The following COL26A1 variants were observed in gnomAD, a reference collection of about 807,000 sequenced individuals.
The protein encoded by COL26A1 is collagen alpha-1(XXVI) chain.
COL26A1 carries 41 observed loss-of-function variants against 59.3 expected under a neutral mutation model. That is an observed-to-expected ratio of 0.69 (90% confidence interval 0.54 to 0.90). COL26A1 has a LOEUF of 0.90. COL26A1 is among the 40% of genes least tolerant of loss of function. The probability of loss-of-function intolerance (pLI) is 0.00; values close to 1 mark genes in which losing one functional copy is unlikely to be tolerated. For synonymous variants in COL26A1, 266 were observed against 256.0 expected, an observed-to-expected ratio of 1.04 and a Z score of -0.37; for missense variants, 612 against 602.3, an observed-to-expected ratio of 1.02 and a Z score of -0.17.
intron 1 of COL26A1, among the ~76,000 whole-genome samples, chr7:101,402,469 A>G (rs1389363988): frequency 6.6e-6 from 1 of 151,908 alleles, no homozygotes; most frequent in Non-Finnish European, 1.5e-5. Flanking sequence ...TCTCACCTGT[A>G]AAAAGGGGGT....
chr7:101,537,934 G>A (rs377360916), intron 4 of COL26A1, among the ~76,000 whole-genome samples: 59 of 144,780 alleles, frequency 4.1e-4, no homozygotes, highest in African/African-American at 1.3e-3. Context: ...ACCCACCCCC[G>A]CCAACTTATC....
chr7:101,376,137 CAAAAA>C (rs34061057), intron 1 of COL26A1, among the ~76,000 whole-genome samples: 3 of 132,378 alleles, frequency 2.3e-5, no homozygotes, highest in Admixed American at 7.5e-5. Flanking sequence ...CCTGTATCTA[CAAAAA>C]AAAAAAAAAA....
chr7:101,437,995 G>A (rs1173046342), intron 2 of COL26A1, among the ~76,000 whole-genome samples: 1 of 151,792 alleles, frequency 6.6e-6, no homozygotes, highest in Non-Finnish European at 1.5e-5. Context: ...TTACAGGCAT[G>A]AGCCACTGTG....
intron 1 of COL26A1, among the ~76,000 whole-genome samples, chr7:101,417,476 G>A (rs1792398186): frequency 6.7e-6 from 1 of 149,518 alleles, no homozygotes; most frequent in Admixed American, 6.7e-5. Context: ...CCTTAGGACA[G>A]GTGAATCCAA....
At chr7:101,397,153 G>T (rs540818346) in intron 1 of COL26A1, among the ~76,000 whole-genome samples, 1 of 152,122 alleles carries the variant, frequency 6.6e-6, no homozygotes, top group Non-Finnish European at 1.5e-5. Flanking sequence ...CCTTCTAAGG[G>T]CTCCTGTGCA....
At chr7:101,376,351 A>G (rs890776168) in intron 1 of COL26A1, among the ~76,000 whole-genome samples, 9 of 152,102 alleles carry the variant, frequency 5.9e-5, no homozygotes, top group Admixed American at 5.9e-4. Context: ...AACAACAAAC[A>G]TATGAGGCCA....
At chr7:101,416,555 G>T (rs1266947355) in intron 1 of COL26A1, among the ~76,000 whole-genome samples, 2 of 143,126 alleles carry the variant, frequency 1.4e-5, no homozygotes, top group African/African-American at 4.9e-5. Flanking sequence ...GTTGGTCCTT[G>T]GTCTTCCTCT....
intron 6 of COL26A1, 115 bp downstream of exon 6, chr7:101,544,211 AC>A: frequency 2.8e-6 from 2 of 704,574 alleles, no homozygotes; most frequent in Non-Finnish European, 4.7e-6. Flanking sequence ...CTTGCTGGGT[AC>A]CAGAAAAACG....
chr7:101,364,440 C>A (rs1459760438), intron 1 of COL26A1, among the ~76,000 whole-genome samples: 1 of 151,756 alleles, frequency 6.6e-6, no homozygotes, highest in Non-Finnish European at 1.5e-5. Flanking sequence ...CTCCCAATCT[C>A]CATTTCTTTT....
At chr7:101,468,440 A>G (rs1440088453) in intron 3 of COL26A1, among the ~76,000 whole-genome samples, 1 of 152,202 alleles carries the variant, frequency 6.6e-6, no homozygotes, top group Non-Finnish European at 1.5e-5. Flanking sequence ...TGACCTGCCC[A>G]TCCGTTTCTC....
intron 2 of COL26A1, among the ~76,000 whole-genome samples, chr7:101,432,492 G>A (rs1304230788): frequency 2.6e-5 from 4 of 152,108 alleles, no homozygotes; most frequent in African/African-American, 4.8e-5. Context: ...GGCAGGGCAT[G>A]CCATTTATTG....
chr7:101,370,984 A>G (rs73173757), intron 1 of COL26A1, among the ~76,000 whole-genome samples: 7,006 of 152,166 alleles, frequency 0.046, 175 homozygotes, highest in East Asian at 0.087. Context: ...CCCTCCTTGC[A>G]GATGGAGTCA....
At chr7:101,463,250 T>C (rs1793656118) in intron 3 of COL26A1, among the ~76,000 whole-genome samples, 1 of 152,218 alleles carries the variant, frequency 6.6e-6, no homozygotes, top group Admixed American at 6.5e-5. Flanking sequence ...GGATGCCTCA[T>C]ATAAGTGAAA....
intron 3 of COL26A1, among the ~76,000 whole-genome samples, chr7:101,497,170 A>C (rs1033756701): frequency 6.6e-6 from 1 of 151,008 alleles, no homozygotes; most frequent in Non-Finnish European, 1.5e-5. Flanking sequence ...CCCGGGAGGC[A>C]GAGGTTGCAG....
At chr7:101,537,924 A>G (rs1162793664) in intron 4 of COL26A1, among the ~76,000 whole-genome samples, 1 of 151,660 alleles carries the variant, frequency 6.6e-6, no homozygotes, top group Non-Finnish European at 1.5e-5. Flanking sequence ...GGATACTGCA[A>G]CCCACCCCCG....
At chr7:101,540,355 T>C (rs1331611342) in intron 5 of COL26A1, among the ~76,000 whole-genome samples, 1 of 151,794 alleles carries the variant, frequency 6.6e-6, no homozygotes, top group African/African-American at 2.4e-5. Flanking sequence ...CTGGCCAACA[T>C]GGTGAAACCC....
At chr7:101,364,190 G>A (rs752446037) in intron 1 of COL26A1, among the ~76,000 whole-genome samples, 2 of 152,082 alleles carry the variant, frequency 1.3e-5, no homozygotes, top group African/African-American at 2.4e-5. Flanking sequence ...AAAACCATAA[G>A]CATGCAAGTA....
chr7:101,461,587 G>A (rs553494385), intron 3 of COL26A1, among the ~76,000 whole-genome samples: 12 of 152,032 alleles, frequency 7.9e-5, no homozygotes, highest in East Asian at 7.8e-4. Context: ...TGTGAGCCAC[G>A]GTGCCCAGCC....
At chr7:101,479,911 A>G (rs1794121263) in intron 3 of COL26A1, among the ~76,000 whole-genome samples, 1 of 152,168 alleles carries the variant, frequency 6.6e-6, no homozygotes, top group South Asian at 2.1e-4. Context: ...GAAACATTAC[A>G]ATTCTTCTCT....
Sources: allele counts gnomAD v4.1 joint callset (sites outside exome capture counted in the v4.1 genomes callset), GRCh38; gene constraint gnomAD v4.1.1; transcripts MANE v1.5; gene names NCBI Gene and HGNC (gene_info 2026-07-23, HGNC 2026-07-21).